The following RANBP2 variants were observed in gnomAD, a reference collection of about 807,000 sequenced individuals.
RANBP2 encodes E3 SUMO-protein ligase RanBP2.
In RANBP2, 57 loss-of-function variants were observed where a neutral mutation model predicts 303.6. That is an observed-to-expected ratio of 0.19 (90% CI 0.15 to 0.23). The LOEUF is 0.23. RANBP2 is among the 10% of genes least tolerant of loss of function. The pLI, the probability that RANBP2 is intolerant of heterozygous loss-of-function variation, is 1.00. For missense variants in RANBP2, 3,138 were observed against 3,780.8 expected, an observed-to-expected ratio of 0.83 and a Z score of 4.46; for synonymous variants, 1,167 against 1,301.5, an observed-to-expected ratio of 0.90 and a Z score of 2.23.
chr2:108,875,652 G>C, the RANBP2 span, among the ~76,000 whole-genome samples: 1 of 152,164 alleles, frequency 6.6e-6, no homozygotes, highest in South Asian at 2.1e-4. Context: ...GAGCCCAGAA[G>C]TTCAAGACCA....
chr2:109,078,077 AATATATATATATATAT>A, the RANBP2 span, among the ~76,000 whole-genome samples: 25,483 of 47,328 alleles, frequency 0.54, 6,752 homozygotes, highest in South Asian at 0.65. Context: ...TTGACAGATG[AATATATATATATATAT>A]ATATATATAT....
At chr2:109,271,665 C>T in the RANBP2 span, among the ~76,000 whole-genome samples, 65 of 152,210 alleles carry the variant, frequency 4.3e-4, no homozygotes, top group Non-Finnish European at 7.3e-5. Flanking sequence ...TATCCAGATA[C>T]GTGGTGGGTG....
the RANBP2 span, among the ~76,000 whole-genome samples, chr2:109,676,427 A>ACACATTCAGTGCACC: frequency 6.6e-6 from 1 of 152,220 alleles, no homozygotes; most frequent in Non-Finnish European, 1.5e-5. Flanking sequence ...ACAAGTGCAG[A>ACACATTCAGTGCACC]CACATTCAGT....
the RANBP2 span, among the ~76,000 whole-genome samples, chr2:109,242,879 G>A: frequency 1.3e-5 from 2 of 152,146 alleles, no homozygotes; most frequent in Non-Finnish European, 2.9e-5. Context: ...TTCTCACAAA[G>A]GGAACAGGCA....
the RANBP2 span, among the ~76,000 whole-genome samples, chr2:108,886,988 T>G: frequency 6.6e-6 from 1 of 152,192 alleles, no homozygotes; most frequent in Non-Finnish European, 1.5e-5. Context: ...CCCTAGGCTT[T>G]CTTATGCTGT....
chr2:109,384,258 C>A, the RANBP2 span, among the ~76,000 whole-genome samples: 9 of 145,776 alleles, frequency 6.2e-5, no homozygotes, highest in East Asian at 1.8e-3. Context: ...ACCACATCTG[C>A]CAGGGAGGAC....
At chr2:109,405,494 C>A in the RANBP2 span, among the ~76,000 whole-genome samples, 12 of 152,146 alleles carry the variant, frequency 7.9e-5, no homozygotes, top group African/African-American at 2.4e-4. Context: ...GATCTTCTCC[C>A]TGCGCACCAC....
the RANBP2 span, among the ~76,000 whole-genome samples, chr2:108,806,592 C>T: frequency 6.6e-6 from 1 of 152,138 alleles, no homozygotes. Context: ...TGACCCAGCT[C>T]TGCCATCGTA....
the RANBP2 span, among the ~76,000 whole-genome samples, chr2:108,874,207 A>G: frequency 6.6e-6 from 1 of 152,164 alleles, no homozygotes; most frequent in African/African-American, 2.4e-5. Flanking sequence ...GATGTACTAA[A>G]GTGAATTTAG....
the RANBP2 span, among the ~76,000 whole-genome samples, chr2:109,148,515 T>A: frequency 6.6e-6 from 1 of 152,198 alleles, no homozygotes; most frequent in African/African-American, 2.4e-5. Context: ...GAAAGAAGGG[T>A]TGAGTAATTG....
At chr2:109,406,360 G>A in the RANBP2 span, among the ~76,000 whole-genome samples, 39 of 152,076 alleles carry the variant, frequency 2.6e-4, no homozygotes, top group Non-Finnish European at 4.6e-4. Flanking sequence ...AGTCAAGCAG[G>A]TGCCCGAGGA....
chr2:108,838,091 C>T, the RANBP2 span, among the ~76,000 whole-genome samples: 1 of 151,980 alleles, frequency 6.6e-6, no homozygotes, highest in African/African-American at 2.4e-5. Context: ...GTACTAAGCT[C>T]TAGGGGTGGT....
At chr2:109,632,011 G>C in the RANBP2 span, among the ~76,000 whole-genome samples, 46 of 152,022 alleles carry the variant, frequency 3.0e-4, no homozygotes, top group African/African-American at 8.7e-4. Context: ...GAAGAGAGGA[G>C]GGGGGTCTGG....
the RANBP2 span, among the ~76,000 whole-genome samples, chr2:109,420,440 T>C: frequency 6.6e-6 from 1 of 152,012 alleles, no homozygotes. Flanking sequence ...GTTGTTGTTT[T>C]TGTTTTGTTT....
the RANBP2 span, among the ~76,000 whole-genome samples, chr2:109,652,868 A>G: frequency 6.6e-6 from 1 of 152,198 alleles, no homozygotes; most frequent in African/African-American, 2.4e-5. Flanking sequence ...AGTGTTCAAT[A>G]AGTCCCCAGT....
At chr2:109,039,476 G>A in the RANBP2 span, among the ~76,000 whole-genome samples, 3 of 152,046 alleles carry the variant, frequency 2.0e-5, no homozygotes, top group South Asian at 2.1e-4. Context: ...TCGGCCTCCC[G>A]AGTAGCTGGG....
chr2:109,144,368 T>C, the RANBP2 span, among the ~76,000 whole-genome samples: 1 of 152,194 alleles, frequency 6.6e-6, no homozygotes, highest in Non-Finnish European at 1.5e-5. Context: ...GAAAAGTACT[T>C]TTAAAAAACA....
the RANBP2 span, among the ~76,000 whole-genome samples, chr2:109,492,926 C>CA: frequency 6.6e-6 from 1 of 152,070 alleles, no homozygotes; most frequent in African/African-American, 2.4e-5. Context: ...GCCACACCCA[C>CA]AGGGAGAAGT....
the RANBP2 span, chr2:109,737,336 C>T: frequency 3.9e-5 from 27 of 685,874 alleles, no homozygotes; most frequent in South Asian, 1.6e-4. Context: ...CTCCTTTTGA[C>T]GGTCACCACC....
Sources: gnomAD v4.1 joint callset for allele counts (sites outside exome capture counted in the v4.1 genomes callset) on GRCh38, gnomAD v4.1.1 for gene constraint, MANE v1.5 for transcripts, NCBI Gene and HGNC (gene_info 2026-07-23, HGNC 2026-07-21) for gene names.